SPATS2L: variants seen among roughly 807,000 people sequenced by gnomAD.
The protein encoded by SPATS2L is SPATS2-like protein.
In SPATS2L, 30 loss-of-function variants were observed where a neutral mutation model predicts 59.6. That is an observed-to-expected ratio of 0.50 (90% CI 0.38 to 0.68). The LOEUF is 0.68. Among genes scored for constraint, SPATS2L ranks in the 30% least tolerant of loss-of-function variants. SPATS2L has a pLI of 0.00. For synonymous variants in SPATS2L, 252 were observed against 263.5 expected (o/e 0.96, Z 0.42); for missense variants, 615 against 700.0 (o/e 0.88, Z 1.37).
At chr2:200,366,368 C>G (rs895647305) in intron 2 of SPATS2L, among the ~76,000 whole-genome samples, 2 of 152,154 alleles carry the variant, frequency 1.3e-5, no homozygotes, top group African/African-American at 4.8e-5. Context: ...CTGGCACACT[C>G]AAAAGGAGGC....
intron 10 of SPATS2L, among the ~76,000 whole-genome samples, chr2:200,467,956 T>A (rs1036559706): frequency 6.6e-6 from 1 of 152,172 alleles, no homozygotes; most frequent in Non-Finnish European, 1.5e-5. Flanking sequence ...CAAGTAGAAT[T>A]TGACAGGATG....
intron 4 of SPATS2L, 150 bp from the exon 5 acceptor site, chr2:200,416,229 G>T: frequency 2.6e-6 from 1 of 381,284 alleles, no homozygotes; most frequent in Non-Finnish European, 4.7e-6. Context: ...AAATGAAACT[G>T]GCATTTTTAT....
intron 2 of SPATS2L, among the ~76,000 whole-genome samples, chr2:200,379,466 G>A (rs1253302043): frequency 1.3e-5 from 2 of 152,164 alleles, no homozygotes; most frequent in Non-Finnish European, 2.9e-5. Flanking sequence ...TGCATTGTCG[G>A]TGTTTAATGA....
chr2:200,419,174 T>C (rs896039475), intron 5 of SPATS2L, 76 bp from the exon 6 acceptor site: 35 of 1,425,574 alleles, frequency 2.5e-5, no homozygotes, highest in African/African-American at 4.4e-5. Flanking sequence ...GCATATCTTA[T>C]TTTCATCTCT....
intron 2 of SPATS2L, 136 bp downstream of exon 2, chr2:200,329,616 A>G: frequency 1.4e-6 from 1 of 723,952 alleles, no homozygotes; most frequent in African/African-American, 1.8e-5. Context: ...GCTCAACACC[A>G]GAGTTCTCTT....
intron 1 of SPATS2L, among the ~76,000 whole-genome samples, chr2:200,326,261 C>T (rs1256481790): frequency 6.6e-6 from 1 of 152,178 alleles, no homozygotes; most frequent in Admixed American, 6.5e-5. Flanking sequence ...CAAGGGCTTG[C>T]CACCATGCCC....
intron 6 of SPATS2L, among the ~76,000 whole-genome samples, chr2:200,435,506 A>G (rs1018635794): frequency 3.3e-5 from 5 of 152,160 alleles, no homozygotes; most frequent in Non-Finnish European, 7.4e-5. Flanking sequence ...GACTCATATC[A>G]AACGAGGCTC....
chr2:200,379,598 G>T (rs1465561828), intron 2 of SPATS2L, among the ~76,000 whole-genome samples: 1 of 152,194 alleles, frequency 6.6e-6, no homozygotes, highest in Non-Finnish European at 1.5e-5. Flanking sequence ...TGGGGAGTTT[G>T]TGGTAAAGTA....
chr2:200,404,175 C>T (rs2082619268), intron 3 of SPATS2L, among the ~76,000 whole-genome samples: 1 of 152,330 alleles, frequency 6.6e-6, no homozygotes, highest in South Asian at 2.1e-4. Context: ...TGAACACGCT[C>T]AGCACTTTGG....
intron 3 of SPATS2L, among the ~76,000 whole-genome samples, chr2:200,406,742 C>A (rs887519187): frequency 6.6e-6 from 1 of 152,214 alleles, no homozygotes; most frequent in Admixed American, 6.5e-5. Context: ...CCGTTTCCCT[C>A]TCTAGTTTTG....
intron 8 of SPATS2L, 57 bp from the exon 9 acceptor site, chr2:200,459,712 A>G: frequency 7.4e-7 from 1 of 1,343,992 alleles, no homozygotes; most frequent in Non-Finnish European, 1.0e-6. Context: ...TGCTTATTAA[A>G]AGTTTATCTT....
chr2:200,315,856 CAAAAA>C (rs374718905), intron 1 of SPATS2L, among the ~76,000 whole-genome samples: 2 of 90,934 alleles, frequency 2.2e-5, no homozygotes, highest in Non-Finnish European at 2.0e-5. Context: ...ACCAAAAATC[CAAAAA>C]AAAAAAAAAA....
intron 11 of SPATS2L, among the ~76,000 whole-genome samples, chr2:200,470,950 G>A (rs1389674024): frequency 6.6e-6 from 1 of 152,030 alleles, no homozygotes; most frequent in African/African-American, 2.4e-5. Context: ...CCTGAGGCCA[G>A]GAGTTCGAGG....
At chr2:200,384,336 T>TTTTA (rs10592541) in intron 2 of SPATS2L, among the ~76,000 whole-genome samples, 189 of 148,190 alleles carry the variant, frequency 1.3e-3, no homozygotes, top group Middle Eastern at 3.4e-3. Flanking sequence ...GGTTCATAAA[T>TTTTA]TTTATTTATT....
rs958118008 is a variant in SPATS2L at position 200,422,761 on chromosome 2, G to GT, written c.445+3272dup. On this transcript the variant is annotated intron_variant, in intron 6 of 12. Coordinates refer to ENST00000409140, the MANE Select transcript of SPATS2L (RefSeq NM_001100423.2). ...GTGGATGCCTGAAATCACGTACACT[G>GT]TTTTTTTCCTGTACTATACTATACT... 2.0e-5 allele frequency among the ~76,000 whole-genome samples: 3 copies of GT among 151,970 alleles called. No homozygotes were observed. In the South Asian group the frequency reaches 6.2e-4, roughly 32 times the overall value.
In SPATS2L at chr2:200,354,342, C is replaced by T. The variant is rs1387765041; in HGVS notation, c.-23+24862C>T. On this transcript the variant is annotated intron_variant, in intron 2 of 12. Transcript: ENST00000409140. ...ATCAAGTTCAGGTCGGGCGCGATGG[C>T]TCACACCTGTAATCCCAGCACTTTG... 2.0e-5 allele frequency among the ~76,000 whole-genome samples: 3 copies of T among 152,180 alleles called. No homozygotes were observed. In the East Asian group the frequency reaches 5.8e-4, roughly 29 times the overall value.
At chr2:200,472,374 G>T (rs745923734) in intron 11 of SPATS2L, among the ~76,000 whole-genome samples, 2 of 152,290 alleles carry the variant, frequency 1.3e-5, no homozygotes, top group Admixed American at 6.5e-5. Flanking sequence ...CAGAGTGTCC[G>T]CATAGCTCCC....
intron 3 of SPATS2L, among the ~76,000 whole-genome samples, chr2:200,397,941 G>A (rs770001922): frequency 6.6e-6 from 1 of 152,324 alleles, no homozygotes; most frequent in African/African-American, 2.4e-5. Flanking sequence ...AGAGCAGGCA[G>A]GGAGAGGCTT....
intron 8 of SPATS2L, among the ~76,000 whole-genome samples, chr2:200,441,966 C>G (rs953222763): frequency 3.3e-5 from 5 of 152,094 alleles, no homozygotes; most frequent in Non-Finnish European, 4.4e-5. Context: ...GAATTTTAAA[C>G]CATCTGCTAT....
Sources: gnomAD v4.1 joint callset for allele counts (sites outside exome capture counted in the v4.1 genomes callset) on GRCh38, gnomAD v4.1.1 for gene constraint, MANE v1.5 for transcripts, NCBI Gene and HGNC (gene_info 2026-07-23, HGNC 2026-07-21) for gene names.